Variants in KIAA2012 observed in about 807,000 individuals in gnomAD.
The protein encoded by KIAA2012 is uncharacterized protein KIAA2012.
Under a neutral mutation model 150.6 loss-of-function variants are expected in KIAA2012, and 125 were observed. The ratio of observed to expected loss-of-function variants is 0.83; its 90% confidence interval spans 0.72 to 0.96. The LOEUF is 0.96. Among genes scored for constraint, KIAA2012 ranks in the 40% least tolerant of loss-of-function variants. The probability of loss-of-function intolerance (pLI) is 0.00; values close to 1 mark genes in which losing one functional copy is unlikely to be tolerated. For missense variants in KIAA2012, 1,219 were observed against 1,354.9 expected (o/e 0.90, Z 1.57); for synonymous variants, 462 against 504.7 (o/e 0.92, Z 1.13).
rs527314623 is a variant in KIAA2012 at position 202,154,536 on chromosome 2, G to A, written c.1909-137G>A. ...TATAGGGTCCTCTGTGTCTTCAACA[G>A]TAACAATAGTTGCTGCGTATTATTG... On this transcript the variant is annotated intron_variant, in intron 13 of 23. Coordinates refer to ENST00000498697, the MANE Select transcript of KIAA2012 (RefSeq NM_001277372.4). 6.5e-6 allele frequency: 5 copies of A among 773,716 alleles called. No individual in the cohort carries two copies. In the South Asian group the frequency reaches 1.0e-4, roughly 16 times the overall value. The allele number at this position is 773,716 out of a possible 1,614,324, so 47.9% of individuals were successfully genotyped here. A position where few individuals can be genotyped will look rare whatever the true frequency, so the allele number is the denominator to read the frequency against.
intron 19 of KIAA2012, among the ~76,000 whole-genome samples, chr2:202,191,570 A>G (rs1028744006): frequency 6.6e-6 from 1 of 151,868 alleles, no homozygotes; most frequent in Non-Finnish European, 1.5e-5. Flanking sequence ...AAAAAGAAAA[A>G]AAAGAAAAAA....
chr2:202,182,656 T>G (rs781556447), intron 15 of KIAA2012, among the ~76,000 whole-genome samples: 3 of 152,218 alleles, frequency 2.0e-5, no homozygotes, highest in Non-Finnish European at 4.4e-5. Flanking sequence ...TGCTTTCATT[T>G]CTTTCATTTA....
chr2:202,135,963 G>T, intron 12 of KIAA2012: 1 of 257,138 alleles, frequency 3.9e-6, no homozygotes, highest in Non-Finnish European at 8.2e-6. Flanking sequence ...TGCTTTCAGG[G>T]CCTCAGTTTC....
At chr2:202,187,189 T>C in intron 17 of KIAA2012, 91 bp downstream of exon 17, 1 of 1,384,876 alleles carries the variant, frequency 7.2e-7, no homozygotes, top group South Asian at 1.5e-5. Flanking sequence ...GCTCACTATA[T>C]GAGGGCACCC....
intron 10 of KIAA2012, among the ~76,000 whole-genome samples, chr2:202,111,858 T>A (rs1336900978): frequency 6.6e-6 from 1 of 152,144 alleles, no homozygotes; most frequent in Non-Finnish European, 1.5e-5. Context: ...TGTGTGAATA[T>A]GTCAGTGTGT....
At chr2:202,087,879 C>A (rs1689609634) in intron 2 of KIAA2012, among the ~76,000 whole-genome samples, 2 of 151,960 alleles carry the variant, frequency 1.3e-5, no homozygotes, top group South Asian at 4.2e-4. Context: ...GAGCTAGGTC[C>A]CTTGGCCATT....
intron 13 of KIAA2012, among the ~76,000 whole-genome samples, chr2:202,142,066 A>G (rs4673228): frequency 0.35 from 52,662 of 152,066 alleles, 9,393 homozygotes; most frequent in East Asian, 0.59. Context: ...AACAATTCAT[A>G]TCCTAAAAGG....
intron 21 of KIAA2012, among the ~76,000 whole-genome samples, chr2:202,195,991 C>T (rs1276329881): frequency 2.6e-5 from 4 of 151,892 alleles, no homozygotes; most frequent in Admixed American, 2.0e-4. Flanking sequence ...AATAAACACA[C>T]GGGTGCAAGT....
At chr2:202,203,225 G>C (rs545114660) in intron 23 of KIAA2012, among the ~76,000 whole-genome samples, 12 of 152,244 alleles carry the variant, frequency 7.9e-5, no homozygotes, top group Non-Finnish European at 1.6e-4. Flanking sequence ...CAATGTATCT[G>C]AAAGAGTTTA....
chr2:202,107,070 C>A (rs575622128), intron 9 of KIAA2012, among the ~76,000 whole-genome samples: 1 of 152,080 alleles, frequency 6.6e-6, no homozygotes, highest in Non-Finnish European at 1.5e-5. Flanking sequence ...GATCAGAGAA[C>A]GGAAGCCCTG....
chr2:202,108,551 T>C (rs143890064), intron 9 of KIAA2012, among the ~76,000 whole-genome samples: 1 of 152,346 alleles, frequency 6.6e-6, no homozygotes, highest in Non-Finnish European at 1.5e-5. Flanking sequence ...GACATCGACA[T>C]TTTTGAAGAA....
At chr2:202,189,826 G>A (rs946740622) in intron 18 of KIAA2012, among the ~76,000 whole-genome samples, 13 of 152,030 alleles carry the variant, frequency 8.6e-5, no homozygotes, top group African/African-American at 1.9e-4. Flanking sequence ...GCACGGTGGC[G>A]CACACCTGTA....
intron 17 of KIAA2012, 150 bp from the exon 18 acceptor site, chr2:202,188,002 T>A (rs1692262565): frequency 3.4e-6 from 2 of 582,588 alleles, no homozygotes; most frequent in Non-Finnish European, 5.9e-6. Flanking sequence ...CGGCTCTGCA[T>A]TCTCTAAGAT....
chr2:202,146,672 A>G (rs1328441644), intron 13 of KIAA2012, among the ~76,000 whole-genome samples: 1 of 148,306 alleles, frequency 6.7e-6, no homozygotes, highest in Non-Finnish European at 1.5e-5. Flanking sequence ...GTTGGTGCAT[A>G]TCTGTAGTCC....
At chr2:202,159,511 G>C (rs1392402639) in intron 14 of KIAA2012, among the ~76,000 whole-genome samples, 1 of 152,246 alleles carries the variant, frequency 6.6e-6, no homozygotes, top group East Asian at 1.9e-4. Context: ...TGATGCTTCT[G>C]AGACTCCATT....
At position 202,104,720 on chromosome 2, in the gene KIAA2012, T is replaced by C. The variant is rs529646553; in HGVS notation, c.1325-1041T>C. On this transcript the variant is annotated intron_variant, in intron 8 of 23. Coordinates refer to ENST00000498697, the MANE Select transcript of KIAA2012 (RefSeq NM_001277372.4). The surrounding 1 kb of genome is among the most constrained non-coding windows in gnomAD (Gnocchi z 4.3). The stretch of plus-strand genomic sequence containing the variant: ...GTTGTTGAGGGTCAGGAACTCTGGG[T>C]TGGTTGGGGTGCATATGACAGGTAT... 1.3e-5 allele frequency among the ~76,000 whole-genome samples: 2 copies of C among 152,090 alleles called. No homozygotes were observed. The highest frequency in any genetic ancestry group is 2.9e-5 in the Non-Finnish European group (2 of 68,002).
At chr2:202,198,992 A>G (rs937323205) in intron 22 of KIAA2012, among the ~76,000 whole-genome samples, 3 of 152,242 alleles carry the variant, frequency 2.0e-5, no homozygotes, top group African/African-American at 7.2e-5. Flanking sequence ...TCCATGTACC[A>G]TAGAAGCAGA....
chr2:202,093,290 T>C, intron 4 of KIAA2012, 105 bp downstream of exon 4: 1 of 1,164,998 alleles, frequency 8.6e-7, no homozygotes, highest in East Asian at 2.6e-5. Flanking sequence ...GATTCTGGGT[T>C]GCATAGTCCT....
At chr2:202,155,409 T>C (rs187483015) in intron 14 of KIAA2012, among the ~76,000 whole-genome samples, 1 of 152,240 alleles carries the variant, frequency 6.6e-6, no homozygotes, top group East Asian at 1.9e-4. Context: ...TGGAAGGTGC[T>C]CATTAAATGC....
Sources: allele counts gnomAD v4.1 joint callset (sites outside exome capture counted in the v4.1 genomes callset), GRCh38; gene constraint gnomAD v4.1.1; non-coding constraint Gnocchi (gnomAD v3.1); transcripts MANE v1.5; gene names NCBI Gene and HGNC (gene_info 2026-07-23, HGNC 2026-07-21).